Variants in HERC6 observed in about 807,000 individuals in gnomAD.
HERC6 encodes the protein HECT and RLD domain containing E3 ubiquitin protein ligase family member 6.
A neutral mutation model predicts 114.5 loss-of-function variants in HERC6; 101 were observed. The observed-to-expected ratio is 0.88, with a 90% CI of 0.75 to 1.04. The LOEUF (loss-of-function observed/expected upper bound fraction) is 1.04, where lower values mean the gene tolerates loss of function less well. Ranked by LOEUF, HERC6 falls within the 50% of genes least tolerant of loss-of-function variation. The pLI, the probability that HERC6 is intolerant of heterozygous loss-of-function variation, is 0.00. For missense variants in HERC6, 1,133 were observed against 1,230.9 expected (o/e 0.92, Z 1.19); for synonymous variants, 408 against 436.2 (o/e 0.94, Z 0.81).
intron 20 of HERC6, 29 bp from the exon 21 acceptor site, chr4:88,439,838 CTTTCTTT>C: frequency 2.8e-5 from 36 of 1,284,482 alleles, no homozygotes; most frequent in Non-Finnish European, 3.5e-5. Flanking sequence ...CTTTTCCTTC[CTTTCTTT>C]TTTTTTTTTT....
In HERC6 at chr4:88,440,185, C is replaced by T; in HGVS notation, c.2777C>T (p.Pro926Leu). The change falls in exon 22 of 23, where the codon CCT becomes CTT. Residue 926 changes from proline to leucine, a missense_variant. Physicochemically the swap from Pro to Leu is moderately conservative, Grantham distance 98 (BLOSUM62 -3). Around this residue, in one of 3 missense-constraint regions of HERC6, gnomAD observed 388 missense variants for 445.9 expected, o/e 0.87. Coordinates refer to ENST00000264346, the MANE Select transcript of HERC6 (RefSeq NM_017912.4). ...KYEQGYQKSH[P>L]TIQLFWKAFH... ...GAGCAAGGATACCAAAAATCACATC[C>T]TACTATACAGTTGTTTTGGAAGGCT... The T allele has an allele frequency of 6.2e-7, 1 of 1,609,076 alleles. No homozygotes were observed. The highest frequency in any genetic ancestry group is 8.5e-7 in the Non-Finnish European group (1 of 1,177,312).
At chr4:88,432,778 T>C (rs1232880711) in intron 17 of HERC6, among the ~76,000 whole-genome samples, 1 of 151,716 alleles carries the variant, frequency 6.6e-6, no homozygotes, top group African/African-American at 2.4e-5. Context: ...AAAAGGTGAT[T>C]CATGTCTGTA....
At chr4:88,413,798 T>C (rs1578394856) in intron 12 of HERC6, among the ~76,000 whole-genome samples, 1 of 151,820 alleles carries the variant, frequency 6.6e-6, no homozygotes, top group East Asian at 1.9e-4. Flanking sequence ...AGAGGGGAGG[T>C]AGGGAATGTA....
At chr4:88,381,554 CTTTT>C (rs142058374) in intron 1 of HERC6, among the ~76,000 whole-genome samples, 5 of 95,828 alleles carry the variant, frequency 5.2e-5, no homozygotes, top group Non-Finnish European at 7.8e-5. Flanking sequence ...CCCTTCTCTT[CTTTT>C]TTTTTTTTTT....
intron 15 of HERC6, among the ~76,000 whole-genome samples, chr4:88,427,137 G>T (rs1294859711): frequency 6.6e-6 from 1 of 152,212 alleles, no homozygotes; most frequent in Non-Finnish European, 1.5e-5. Flanking sequence ...AAGCTGGAAA[G>T]CTGACTTTAC....
Position 88,398,130 on chromosome 4 carries a change from A to T in HERC6, c.1025-12A>T. The T allele has an allele frequency of 1.3e-6, 2 of 1,550,472 alleles. No homozygotes were observed. The highest frequency in any genetic ancestry group is 1.7e-6 in the Non-Finnish European group (2 of 1,147,878). ...TAGAAACTCTAAGCATGGATTTATG[A>T]CTTTCTTTTAGACTTCGTGGATGTT... On this transcript the variant is annotated splice_polypyrimidine_tract_variant and intron_variant, in intron 7 of 22. Transcript: ENST00000264346.
chr4:88,435,891 A>G lies in HERC6; in HGVS notation c.2417A>G (p.Lys806Arg). The change falls in exon 18 of 23, where the codon AAG becomes AGG. Residue 806 changes from lysine (K) to arginine (R), a missense_variant and splice_region_variant. Physicochemically the swap from Lys to Arg is conservative, Grantham distance 26. Around this residue, in one of 3 missense-constraint regions of HERC6, gnomAD observed 388 missense variants for 445.9 expected, o/e 0.87. Transcript: ENST00000264346. ...DLKELSPRLGKSLQEVLDDAA... is the reference protein window; with the variant it reads ...DLKELSPRLGRSLQEVLDDAA... Reference sequence around the variant, plus strand: ...AAAGAACTCAGTCCTCGGTTGGGGAAGTAAGTAAATATAACGTTTTTTCAG... The same window carrying G: ...AAAGAACTCAGTCCTCGGTTGGGGAGGTAAGTAAATATAACGTTTTTTCAG... 6.3e-7 allele frequency: 1 copy of G among 1,598,924 alleles called. No homozygotes were observed. Among genetic ancestry groups the G allele is most frequent in the Non-Finnish European group, 8.5e-7 (1 of 1,174,262 alleles).
At position 88,413,127 on chromosome 4, in the gene HERC6, T is replaced by TC; in HGVS notation, c.1421dup (p.His475ThrfsTer19). 6.2e-7 allele frequency: 1 copy of TC among 1,613,614 alleles called. No individual in the cohort carries two copies. Among genetic ancestry groups the TC allele is most frequent in the Non-Finnish European group, 8.5e-7 (1 of 1,179,638 alleles). On this transcript the variant is annotated frameshift_variant, in exon 12 of 23. Coordinates refer to ENST00000264346, the MANE Select transcript of HERC6 (RefSeq NM_017912.4). LOFTEE classifies it high-confidence loss of function. Reference sequence around the variant, plus strand: ...TGCTCAGAGCTCTTCCATGCCATTCTCCACACCAAGAAGCTTTATCAGTTT... The same window carrying TC: ...TGCTCAGAGCTCTTCCATGCCATTCTCCCACACCAAGAAGCTTTATCAGTTT...
chr4:88,416,741 C>T (rs576017087), intron 12 of HERC6, among the ~76,000 whole-genome samples: 11 of 152,070 alleles, frequency 7.2e-5, no homozygotes, highest in African/African-American at 2.4e-4. Flanking sequence ...TATGCAATGC[C>T]GCATTTATTA....
intron 13 of HERC6, among the ~76,000 whole-genome samples, chr4:88,420,540 T>G (rs1296235018): frequency 6.6e-6 from 1 of 152,222 alleles, no homozygotes; most frequent in Non-Finnish European, 1.5e-5. Flanking sequence ...TATGTTATAG[T>G]GTTCTATGTA....
At chr4:88,412,521 A>T (rs892509078) in intron 11 of HERC6, among the ~76,000 whole-genome samples, 1 of 152,178 alleles carries the variant, frequency 6.6e-6, no homozygotes, top group Non-Finnish European at 1.5e-5. Flanking sequence ...GCCTCAACCA[A>T]GGAGCTTGAG....
In HERC6 at chr4:88,383,018, A is replaced by G. The variant is rs1266547575; in HGVS notation, c.200-203A>G. On this transcript the variant is annotated intron_variant, in intron 1 of 22. Transcript: ENST00000264346. ...CTGTTGATTATTTTAACAGAGCTGT[A>G]TCCTATAAAGACAGGGTAACATACA... Among the ~76,000 whole-genome samples, 4 of 152,222 alleles carry G rather than the reference A, an allele frequency of 2.6e-5. No homozygotes were observed. In the South Asian group the frequency reaches 8.3e-4, roughly 31 times the overall value.
At chr4:88,383,080 A>T in intron 1 of HERC6, 141 bp from the exon 2 acceptor site, 1 of 987,446 alleles carries the variant, frequency 1.0e-6, no homozygotes, top group Non-Finnish European at 1.5e-6. Flanking sequence ...GAATGGACTT[A>T]AGGTCTTGAT....
At chr4:88,435,091 G>T (rs1230996940) in intron 17 of HERC6, among the ~76,000 whole-genome samples, 1 of 152,166 alleles carries the variant, frequency 6.6e-6, no homozygotes, top group Middle Eastern at 3.2e-3. Flanking sequence ...TCAGGCTGTT[G>T]ATCTACTGTG....
At chr4:88,424,129 AT>A (rs1737350286) in intron 14 of HERC6, among the ~76,000 whole-genome samples, 156 bp downstream of exon 14, 1 of 152,214 alleles carries the variant, frequency 6.6e-6, no homozygotes, top group Admixed American at 6.5e-5. Context: ...GAAAACTTAA[AT>A]ATATTTTAAT....
At chr4:88,392,065 TCCCCTTCTCCCCTCCACTCC>T (rs1734953311) in intron 4 of HERC6, among the ~76,000 whole-genome samples, 2 of 51,710 alleles carry the variant, frequency 3.9e-5, no homozygotes, top group African/African-American at 7.9e-5. Context: ...CTTCCTCCCC[TCCCCTTCTCCCCTCCACTCC>T]CCCCTCCCCT....
intron 2 of HERC6, among the ~76,000 whole-genome samples, chr4:88,385,188 A>G (rs1229689989): frequency 2.0e-5 from 3 of 152,200 alleles, no homozygotes; most frequent in Non-Finnish European, 4.4e-5. Flanking sequence ...TATATGCAGA[A>G]AAAATTTATT....
intron 20 of HERC6, among the ~76,000 whole-genome samples, chr4:88,438,166 G>A (rs1738961139): frequency 6.6e-6 from 1 of 150,684 alleles, no homozygotes. Flanking sequence ...AGCTTCTCAG[G>A]TGATTGTTTT....
chr4:88,380,742 A>G (rs1734273783), intron 1 of HERC6, among the ~76,000 whole-genome samples: 3 of 150,616 alleles, frequency 2.0e-5, no homozygotes. Context: ...ATAAATATAT[A>G]TATTATATAT....
Sources: allele counts gnomAD v4.1 joint callset (sites outside exome capture counted in the v4.1 genomes callset), GRCh38; gene constraint gnomAD v4.1.1; regional missense constraint gnomAD v4.1.1; transcripts MANE v1.5; gene names NCBI Gene and HGNC (gene_info 2026-07-23, HGNC 2026-07-21).